DLG2: variants seen among roughly 807,000 people sequenced by gnomAD.
The protein encoded by DLG2 is disks large homolog 2.
Under a neutral mutation model 132.5 loss-of-function variants are expected in DLG2, and 45 were observed. The observed-to-expected ratio is 0.34, with a 90% CI of 0.27 to 0.44. The LOEUF (loss-of-function observed/expected upper bound fraction) is 0.44. Among genes scored for constraint, DLG2 ranks in the 20% least tolerant of loss-of-function variants. The pLI is 1.00. For missense variants in DLG2, 1,045 were observed against 1,196.9 expected (o/e 0.87, Z 1.87); for synonymous variants, 424 against 419.6 (o/e 1.01, Z -0.13).
intron 6 of DLG2, among the ~76,000 whole-genome samples, chr11:84,923,793 T>G: frequency 6.6e-6 from 1 of 152,134 alleles, no homozygotes; most frequent in East Asian, 1.9e-4. Context: ...TCCTCTGGGG[T>G]GATCTGTGGT....
chr11:83,629,093 T>G (rs1188393803), intron 19 of DLG2, among the ~76,000 whole-genome samples: 2 of 152,180 alleles, frequency 1.3e-5, no homozygotes, highest in Non-Finnish European at 2.9e-5. Context: ...CTTAGATATC[T>G]TTCCATGGAA....
chr11:84,638,216 G>T (rs189989760), intron 6 of DLG2, among the ~76,000 whole-genome samples: 3 of 152,326 alleles, frequency 2.0e-5, no homozygotes, highest in Admixed American at 2.0e-4. Context: ...AACATCAATT[G>T]TAATCCTTGC....
intron 20 of DLG2, 106 bp from the exon 21 acceptor site, chr11:83,532,889 A>G (rs186639278): frequency 1.1e-6 from 1 of 900,058 alleles, no homozygotes; most frequent in Admixed American, 2.5e-5. Flanking sequence ...AAGCTCAAAT[A>G]AAATGTGTTC....
intron 18 of DLG2, among the ~76,000 whole-genome samples, chr11:83,723,663 T>G (rs1483131735): frequency 2.6e-5 from 4 of 152,166 alleles, no homozygotes; most frequent in African/African-American, 9.7e-5. Context: ...GAGACCAGCC[T>G]GGCCAGCATG....
At chr11:83,512,743 T>C (rs1475191561) in intron 21 of DLG2, among the ~76,000 whole-genome samples, 5 of 151,916 alleles carry the variant, frequency 3.3e-5, no homozygotes, top group Non-Finnish European at 1.5e-5. Context: ...CCATGTTTTC[T>C]CATTTTTCAA....
chr11:83,628,877 T>G (rs775197405), intron 19 of DLG2, among the ~76,000 whole-genome samples: 2 of 152,172 alleles, frequency 1.3e-5, no homozygotes, highest in Non-Finnish European at 2.9e-5. Context: ...TGAGCTATGA[T>G]CTCCATTTTT....
At chr11:84,662,781 T>C (rs905645476) in intron 6 of DLG2, among the ~76,000 whole-genome samples, 10 of 90,062 alleles carry the variant, frequency 1.1e-4, no homozygotes, top group African/African-American at 4.0e-4. Flanking sequence ...AGCAAGACTC[T>C]GTCACAAAAA....
intron 7 of DLG2, among the ~76,000 whole-genome samples, chr11:84,479,391 T>C (rs763295205): frequency 1.3e-5 from 2 of 152,124 alleles, no homozygotes; most frequent in Non-Finnish European, 1.5e-5. Context: ...GATTTCTTCT[T>C]TCCTTTATTC....
At chr11:83,840,085 C>T (rs1207980397) in intron 16 of DLG2, among the ~76,000 whole-genome samples, 1 of 152,198 alleles carries the variant, frequency 6.6e-6, no homozygotes, top group African/African-American at 2.4e-5. Context: ...TGACATGTTG[C>T]TTCATACCTC....
At chr11:84,498,600 G>C (rs2099192538) in intron 7 of DLG2, among the ~76,000 whole-genome samples, 1 of 152,086 alleles carries the variant, frequency 6.6e-6, no homozygotes, top group Admixed American at 6.5e-5. Context: ...GGTGTAAATA[G>C]AAGTTTTGGC....
At chr11:83,836,515 C>G (rs2056213635) in intron 16 of DLG2, among the ~76,000 whole-genome samples, 1 of 152,206 alleles carries the variant, frequency 6.6e-6, no homozygotes, top group South Asian at 2.1e-4. Flanking sequence ...CTGACTTCCT[C>G]TTCTCCAACT....
rs140911421 is a variant in DLG2 at position 84,448,349 on chromosome 11, G to A, written c.519+86221C>T. ...TTGAACTACATAATCAATTCCTTAT[G>A]AGCTCAAATAATGTATTAGTCCATG... On this transcript the variant is annotated intron_variant, in intron 7 of 27. Coordinates refer to ENST00000376104, the MANE Select transcript of DLG2 (RefSeq NM_001142699.3). Among the ~76,000 whole-genome samples the A allele has an allele frequency of 2.1e-4, 32 of 152,014 alleles. No individual in the cohort carries two copies. In the Middle Eastern group the frequency reaches 0.01, roughly 48 times the overall value.
chr11:83,884,662 C>T (rs914268339), intron 15 of DLG2, among the ~76,000 whole-genome samples: 1 of 152,216 alleles, frequency 6.6e-6, no homozygotes, highest in Non-Finnish European at 1.5e-5. Flanking sequence ...TCCCTGACCC[C>T]TGACTACCAA....
At chr11:84,192,999 G>T (rs1181519639) in intron 8 of DLG2, among the ~76,000 whole-genome samples, 4 of 152,036 alleles carry the variant, frequency 2.6e-5, no homozygotes, top group Non-Finnish European at 4.4e-5. Flanking sequence ...AAAAAAATTA[G>T]TGAATTTTAT....
At chr11:83,985,235 C>T (rs1049877589) in intron 11 of DLG2, among the ~76,000 whole-genome samples, 3 of 152,016 alleles carry the variant, frequency 2.0e-5, no homozygotes, top group Non-Finnish European at 4.4e-5. Flanking sequence ...TGCCCCTGTC[C>T]CCCATCCCTG....
rs958859956 is a variant in DLG2, at chr11:84,777,112, T to G, written c.358-242381A>C. ...TCTGTATGTCCGTATGTACACTTTT[T>G]TAAGCACCCATTTATGAGTGAGAAC... On this transcript the variant is annotated intron_variant, in intron 6 of 27. Coordinates refer to ENST00000376104, the MANE Select transcript of DLG2 (RefSeq NM_001142699.3). 8.6e-5 allele frequency among the ~76,000 whole-genome samples: 13 copies of G among 151,640 alleles called. No homozygotes were observed. The East Asian group carries it at 2.5e-3, about 29-fold the overall frequency.
intron 11 of DLG2, 85 bp downstream of exon 11, chr11:84,059,230 A>T: frequency 7.4e-7 from 1 of 1,344,144 alleles, no homozygotes; most frequent in Non-Finnish European, 1.1e-6. Flanking sequence ...CAGAGGTTAA[A>T]GAGTTCATCA....
At chr11:85,056,441 A>T (rs533907005) in intron 6 of DLG2, among the ~76,000 whole-genome samples, 36 of 152,212 alleles carry the variant, frequency 2.4e-4, no homozygotes, top group African/African-American at 8.4e-4. Context: ...AAACCAGAAG[A>T]AATGTTAATT....
In DLG2 at chr11:84,046,827, TC is replaced by T. The variant is rs141539712; in HGVS notation, c.919+12487del. ...ATTAAAATAGATTTCATTTTATCTT[TC>T]CTAGTAAGTTTTCTATATGCGATAA... On this transcript the variant is annotated intron_variant, in intron 11 of 27. Coordinates refer to ENST00000376104, the MANE Select transcript of DLG2 (RefSeq NM_001142699.3). 3.1e-3 allele frequency among the ~76,000 whole-genome samples: 470 copies of T among 151,752 alleles called. 2 individuals are homozygous for T. Among genetic ancestry groups the T allele is most frequent in the African/African-American group, 0.011 (458 of 41,502 alleles).
Sources: allele counts gnomAD v4.1 joint callset (sites outside exome capture counted in the v4.1 genomes callset), GRCh38; gene constraint gnomAD v4.1.1; transcripts MANE v1.5; gene names NCBI Gene and HGNC (gene_info 2026-07-23, HGNC 2026-07-21).